Variants in EXOC4 observed in about 807,000 individuals in gnomAD.
EXOC4 encodes exocyst complex component 4.
A neutral mutation model predicts 107.2 loss-of-function variants in EXOC4; 71 were observed. That is an observed-to-expected ratio of 0.66 (90% CI 0.55 to 0.81). The LOEUF (loss-of-function observed/expected upper bound fraction) is 0.81. Among genes scored for constraint, EXOC4 ranks in the 30% least tolerant of loss-of-function variants. The pLI is 0.00. For missense variants in EXOC4, 1,108 were observed against 1,189.6 expected (o/e 0.93, Z 1.01); for synonymous variants, 456 against 441.2 (o/e 1.03, Z -0.42).
intron 12 of EXOC4, among the ~76,000 whole-genome samples, chr7:133,896,181 C>G (rs1407405221): frequency 6.6e-6 from 1 of 152,138 alleles, no homozygotes; most frequent in Non-Finnish European, 1.5e-5. Context: ...CACAAAAGAA[C>G]AGTTACCCCT....
At chr7:133,474,474 A>ATT (rs34366230) in intron 7 of EXOC4, among the ~76,000 whole-genome samples, 449 of 141,800 alleles carry the variant, frequency 3.2e-3, no homozygotes, top group Admixed American at 6.0e-3. Context: ...TGCCCAGCCA[A>ATT]TTTTTTTTTT....
At chr7:133,282,904 T>C (rs1377436186) in intron 2 of EXOC4, among the ~76,000 whole-genome samples, 1 of 152,242 alleles carries the variant, frequency 6.6e-6, no homozygotes, top group African/African-American at 2.4e-5. Context: ...ACTGAAGTAT[T>C]GTATCCTTTG....
At chr7:133,294,288 T>C (rs1794470449) in intron 3 of EXOC4, among the ~76,000 whole-genome samples, 1 of 152,162 alleles carries the variant, frequency 6.6e-6, no homozygotes, top group Admixed American at 6.5e-5. Context: ...AGGGAAAATG[T>C]GTGTAGAAGT....
chr7:133,742,918 C>T (rs192482703), intron 10 of EXOC4, among the ~76,000 whole-genome samples: 1 of 152,202 alleles, frequency 6.6e-6, no homozygotes, highest in Admixed American at 6.5e-5. Flanking sequence ...TTTTGCTTTT[C>T]CCAACTGCCC....
intron 7 of EXOC4, among the ~76,000 whole-genome samples, chr7:133,405,303 G>A (rs1342185524): frequency 2.6e-5 from 4 of 152,038 alleles, no homozygotes; most frequent in Non-Finnish European, 5.9e-5. Context: ...TATGGAAGAG[G>A]AGGGAAAAGA....
chr7:134,046,261 C>T (rs552817735), intron 17 of EXOC4, among the ~76,000 whole-genome samples: 13 of 152,228 alleles, frequency 8.5e-5, no homozygotes, highest in South Asian at 2.1e-4. Flanking sequence ...ACAGGCGGAT[C>T]GCTTGAGGCC....
At chr7:133,810,689 G>C (rs1236847026) in intron 10 of EXOC4, among the ~76,000 whole-genome samples, 2 of 151,362 alleles carry the variant, frequency 1.3e-5, no homozygotes, top group Admixed American at 6.6e-5. Context: ...CTGGAGTGCA[G>C]TGGCACAATC....
chr7:133,797,156 T>C (rs182134211), intron 10 of EXOC4, among the ~76,000 whole-genome samples: 1 of 152,288 alleles, frequency 6.6e-6, no homozygotes, highest in African/African-American at 2.4e-5. Context: ...TCTGTATTCT[T>C]ATTACAAATC....
At chr7:133,609,977 G>T (rs968896924) in intron 9 of EXOC4, among the ~76,000 whole-genome samples, 1 of 152,138 alleles carries the variant, frequency 6.6e-6, no homozygotes, top group Non-Finnish European at 1.5e-5. Context: ...AGGCTCAAAT[G>T]CTGCTTTATT....
intron 14 of EXOC4, among the ~76,000 whole-genome samples, chr7:133,943,174 G>C (rs1385047651): frequency 6.6e-6 from 1 of 152,134 alleles, no homozygotes; most frequent in Non-Finnish European, 1.5e-5. Flanking sequence ...CAGTGCTGTA[G>C]ATCATCACTG....
chr7:133,627,960 A>G (rs1042778029), intron 9 of EXOC4, among the ~76,000 whole-genome samples: 3 of 152,198 alleles, frequency 2.0e-5, no homozygotes, highest in African/African-American at 7.2e-5. Flanking sequence ...GAAGCTTCAC[A>G]TGTTTTTATC....
Position 133,646,348 on chromosome 7 carries a change from A to G in EXOC4, c.1514+16207A>G, listed in dbSNP as rs548155671. 3.3e-5 allele frequency among the ~76,000 whole-genome samples: 5 copies of G among 152,174 alleles called. No homozygotes were observed. In the South Asian group the frequency reaches 6.2e-4, roughly 19 times the overall value. On this transcript the variant is annotated intron_variant, in intron 10 of 17. Transcript: ENST00000253861. ...GGAGGCCTCTGCTGACACATTTGCA[A>G]TCTTTCCAGTAGTTTGTGTGAACTT... is the stretch of plus-strand genomic sequence containing the variant.
chr7:133,980,527 A>T (rs1433928103), intron 14 of EXOC4, among the ~76,000 whole-genome samples: 2 of 152,242 alleles, frequency 1.3e-5, no homozygotes, highest in Non-Finnish European at 2.9e-5. Context: ...ATCATAATGT[A>T]ACTACTACTT....
At chr7:134,057,642 A>G (rs1259061674) in intron 17 of EXOC4, among the ~76,000 whole-genome samples, 2 of 152,160 alleles carry the variant, frequency 1.3e-5, no homozygotes, top group African/African-American at 4.8e-5. Context: ...TTGGTCGGAA[A>G]GTCCATTTGA....
At chr7:133,776,305 T>G (rs7808324) in intron 10 of EXOC4, among the ~76,000 whole-genome samples, 150,169 of 152,178 alleles carry the variant, frequency 0.99, 74,135 homozygotes, top group Middle Eastern at 1. Flanking sequence ...CTCCTTAAAG[T>G]CTACTCTCTC....
At chr7:133,320,179 T>C (rs73148922) in intron 5 of EXOC4, among the ~76,000 whole-genome samples, 22,832 of 152,172 alleles carry the variant, frequency 0.15, 2,028 homozygotes, top group Middle Eastern at 0.21. Flanking sequence ...GTGTCCTCTT[T>C]GTATTAATTT....
intron 10 of EXOC4, among the ~76,000 whole-genome samples, chr7:133,711,916 A>C (rs759617686): frequency 6.6e-6 from 1 of 152,124 alleles, no homozygotes; most frequent in African/African-American, 2.4e-5. Flanking sequence ...CTCTTTGACT[A>C]TCAAGATGCT....
intron 9 of EXOC4, among the ~76,000 whole-genome samples, chr7:133,496,712 C>T (rs1304312436): frequency 6.6e-6 from 1 of 152,106 alleles, no homozygotes; most frequent in African/African-American, 2.4e-5. Context: ...GATATTCCCA[C>T]TGGTAGTAGG....
chr7:133,888,161 G>C (rs1227435271), intron 11 of EXOC4, among the ~76,000 whole-genome samples: 1 of 150,498 alleles, frequency 6.6e-6, no homozygotes, highest in Admixed American at 6.6e-5. Flanking sequence ...TCTTGAATAA[G>C]CATGCAAGTG....
Sources: allele counts gnomAD v4.1 joint callset (sites outside exome capture counted in the v4.1 genomes callset), GRCh38; gene constraint gnomAD v4.1.1; transcripts MANE v1.5; gene names NCBI Gene and HGNC (gene_info 2026-07-23, HGNC 2026-07-21).